The following PDE3A variants were observed in gnomAD, a reference collection of about 807,000 sequenced individuals.
PDE3A encodes the protein cGMP-inhibited 3',5'-cyclic phosphodiesterase 3A.
In PDE3A, 43 loss-of-function variants were observed where a neutral mutation model predicts 98.3. The ratio of observed to expected loss-of-function variants is 0.44; its 90% CI spans 0.34 to 0.56. The LOEUF (loss-of-function observed/expected upper bound fraction) is 0.56. PDE3A is among the 20% of genes least tolerant of loss of function. The probability of loss-of-function intolerance (pLI) is 0.01; values close to 1 mark genes in which losing one functional copy is unlikely to be tolerated. For synonymous variants in PDE3A, 663 were observed against 567.9 expected (o/e 1.17, Z -2.38); for missense variants, 1,427 against 1,440.7 (o/e 0.99, Z 0.15).
Position 20,542,976 on chromosome 12 carries a change from A to AT in PDE3A, c.961-13678dup. 2.6e-5 allele frequency among the ~76,000 whole-genome samples: 4 copies of AT among 152,134 alleles called. 1 individual carries two copies. In the South Asian group the frequency reaches 8.3e-4, roughly 31 times the overall value. ...AAATAATAAATGAGGCCTTTATTTT[A>AT]TTTTTTATTTCCTACTCATTTACTC... On this transcript the variant is annotated intron_variant, in intron 1 of 15. Coordinates refer to ENST00000359062, the MANE Select transcript of PDE3A (RefSeq NM_000921.5).
At chr12:20,449,797 A>G in intron 1 of PDE3A, 2 of 519,060 alleles carry the variant, frequency 3.9e-6, no homozygotes, top group East Asian at 6.2e-5. Context: ...TTACTTGGTC[A>G]GTTTTGGTTG....
rs764912080 is a variant in PDE3A, at chr12:20,629,940, C to T, written c.1573C>T (p.Pro525Ser). The T allele has an allele frequency of 5.6e-6, 9 of 1,613,884 alleles. No homozygotes were observed. The highest frequency in any genetic ancestry group is 7.6e-6 in the Non-Finnish European group (9 of 1,179,920). ...CGCTAAAATTTCACCTCTTTCATCG[C>T]CCTGCTCCTCACCTCTCCAAGGGAC... ...ALAKISPLSS[P>S]CSSPLQGTPA... Residue 525 changes from proline to serine, a missense_variant, in exon 6 of 16, where the codon CCC becomes TCC. This residue lies in a region of PDE3A where 1,012 missense variants were observed against 886.5 expected (regional missense o/e 1.14). Transcript: ENST00000359062.
chr12:20,575,938 T>C (rs1942920624), intron 2 of PDE3A, among the ~76,000 whole-genome samples: 1 of 152,030 alleles, frequency 6.6e-6, no homozygotes, highest in Admixed American at 6.6e-5. Flanking sequence ...TATTTGTATA[T>C]GTACACAAAG....
intron 1 of PDE3A, among the ~76,000 whole-genome samples, chr12:20,386,103 A>G (rs1591870304): frequency 9.8e-5 from 1 of 10,204 alleles, no homozygotes; most frequent in Non-Finnish European, 2.2e-4. Context: ...ATATATAAAT[A>G]TATATATAAA....
intron 1 of PDE3A, among the ~76,000 whole-genome samples, chr12:20,401,732 C>T (rs1053044604): frequency 2.6e-5 from 4 of 152,116 alleles, no homozygotes; most frequent in South Asian, 2.1e-4. Context: ...TGCTGTCTTA[C>T]GGCACTTACA....
intron 2 of PDE3A, among the ~76,000 whole-genome samples, chr12:20,602,442 G>A (rs1295332218): frequency 6.6e-6 from 1 of 152,170 alleles, no homozygotes; most frequent in East Asian, 1.9e-4. Flanking sequence ...ATATAAACAA[G>A]ACAGAATTTT....
intron 2 of PDE3A, among the ~76,000 whole-genome samples, chr12:20,595,159 C>T (rs999497852): frequency 1.3e-5 from 2 of 152,198 alleles, no homozygotes; most frequent in Admixed American, 6.5e-5. Context: ...AATGTTATAA[C>T]GCACCTAGGT....
At chr12:20,567,635 T>A (rs907600297) in intron 2 of PDE3A, among the ~76,000 whole-genome samples, 1 of 151,982 alleles carries the variant, frequency 6.6e-6, no homozygotes, top group Admixed American at 6.6e-5. Context: ...CTCCCTTTTT[T>A]CTTTTCTTTT....
intron 9 of PDE3A, among the ~76,000 whole-genome samples, chr12:20,638,228 G>C (rs1457137425): frequency 6.6e-6 from 1 of 152,120 alleles, no homozygotes; most frequent in Non-Finnish European, 1.5e-5. Context: ...ACTTCGTTTG[G>C]GGTGAGAATC....
intron 2 of PDE3A, among the ~76,000 whole-genome samples, chr12:20,609,956 A>G (rs1943807479): frequency 6.6e-6 from 1 of 151,890 alleles, no homozygotes; most frequent in Non-Finnish European, 1.5e-5. Context: ...AGAAGAGAAC[A>G]TGGGGGAAAG....
intron 2 of PDE3A, among the ~76,000 whole-genome samples, chr12:20,606,548 C>T (rs1943713438): frequency 6.6e-6 from 1 of 151,792 alleles, no homozygotes; most frequent in South Asian, 2.1e-4. Context: ...AAAGTTTTTG[C>T]CCACTAGTAA....
chr12:20,573,844 C>G (rs1942863396), intron 2 of PDE3A, among the ~76,000 whole-genome samples: 1 of 152,004 alleles, frequency 6.6e-6, no homozygotes, highest in Non-Finnish European at 1.5e-5. Flanking sequence ...TAAATAACTA[C>G]AAGGTCAATC....
chr12:20,376,804 A>G (rs999435659), intron 1 of PDE3A, among the ~76,000 whole-genome samples: 5 of 151,764 alleles, frequency 3.3e-5, no homozygotes, highest in African/African-American at 4.8e-5. Flanking sequence ...TAAATAGGGT[A>G]TAATATCAGA....
intron 2 of PDE3A, among the ~76,000 whole-genome samples, chr12:20,566,601 C>G (rs1942663683): frequency 1.3e-5 from 2 of 151,626 alleles, no homozygotes; most frequent in East Asian, 3.9e-4. Context: ...CAAAAATAAA[C>G]TACATCATGA....
chr12:20,603,288 A>G (rs1157254218), intron 2 of PDE3A, among the ~76,000 whole-genome samples: 1 of 151,978 alleles, frequency 6.6e-6, no homozygotes, highest in Non-Finnish European at 1.5e-5. Context: ...GCCTCCCAGG[A>G]TGACTAAATA....
chr12:20,639,706 C>G, intron 9 of PDE3A, 140 bp from the exon 10 acceptor site: 1 of 497,744 alleles, frequency 2.0e-6, no homozygotes, highest in Non-Finnish European at 3.6e-6. Context: ...TCATTTTAAC[C>G]AACTTAAAAG....
chr12:20,628,374 C>T (rs1345132819), intron 5 of PDE3A, among the ~76,000 whole-genome samples: 4 of 152,214 alleles, frequency 2.6e-5, no homozygotes, highest in African/African-American at 4.8e-5. Context: ...TTTTAATAGA[C>T]GTAGAAACCG....
chr12:20,688,066 C>A lies in PDE3A; in HGVS notation c.*7795C>A, dbSNP rs992902652. Among the ~76,000 whole-genome samples, 1 of 151,764 alleles carries A rather than the reference C, an allele frequency of 6.6e-6. No individual in the cohort carries two copies. Among genetic ancestry groups the A allele is most frequent in the Admixed American group, 6.6e-5 (1 of 15,198 alleles). On this transcript the variant is annotated 3_prime_UTR_variant, in exon 16 of 16. Transcript: ENST00000359062. Reference sequence around the variant, plus strand: ...GCAATATTTTCAAATAACTGCCAACCAAAGTGACACTATAGGGATGTCATT... The same window carrying A: ...GCAATATTTTCAAATAACTGCCAACAAAAGTGACACTATAGGGATGTCATT...
At position 20,590,266 on chromosome 12, in the gene PDE3A, T is replaced by A. The variant is rs372646788; in HGVS notation, c.1012-23177T>A. ...ATTCGGCTTCAGGGTTTGGGGAGAT[T>A]TAGGAGATGATGGTGAAGATTATAA... On this transcript the variant is annotated intron_variant, in intron 2 of 15. Coordinates refer to ENST00000359062, the MANE Select transcript of PDE3A (RefSeq NM_000921.5). Among the ~76,000 whole-genome samples, 24 of 151,506 alleles carry A rather than the reference T, an allele frequency of 1.6e-4. No individual in the cohort carries two copies. The East Asian group carries it at 1.9e-3, about 12-fold the overall frequency.
Sources: allele counts gnomAD v4.1 joint callset (sites outside exome capture counted in the v4.1 genomes callset), GRCh38; gene constraint gnomAD v4.1.1; regional missense constraint gnomAD v4.1.1; transcripts MANE v1.5; gene names NCBI Gene and HGNC (gene_info 2026-07-23, HGNC 2026-07-21).